The following NFIB variants were observed in gnomAD, a reference collection of about 807,000 sequenced individuals.
The protein encoded by NFIB is nuclear factor I B, also known as nuclear factor 1 B-type.
NFIB carries 11 observed loss-of-function variants against 61.5 expected under a neutral mutation model. The ratio of observed to expected loss-of-function variants is 0.18; its 90% CI spans 0.11 to 0.30. NFIB has a LOEUF of 0.30. Ranked by LOEUF, NFIB falls within the 10% of genes least tolerant of loss-of-function variation. The pLI, the probability that NFIB is intolerant of heterozygous loss-of-function variation, is 1.00. For synonymous variants in NFIB, 260 were observed against 216.5 expected (o/e 1.20, Z -1.76); for missense variants, 471 against 608.9 (o/e 0.77, Z 2.38).
the NFIB span, among the ~76,000 whole-genome samples, chr9:14,450,042 C>T: frequency 2.6e-5 from 4 of 152,042 alleles, no homozygotes; most frequent in African/African-American, 9.7e-5. Flanking sequence ...CCTAGGTATA[C>T]ATGTGCCATG....
chr9:14,516,841 A>G, the NFIB span, among the ~76,000 whole-genome samples: 321 of 152,358 alleles, frequency 2.1e-3, 1 homozygote, highest in Non-Finnish European at 3.6e-3. Flanking sequence ...AGTTAGTATT[A>G]TGCTAATCTG....
chr9:14,152,414 A>T (rs1489225298), intron 4 of NFIB, among the ~76,000 whole-genome samples: 1 of 152,096 alleles, frequency 6.6e-6, no homozygotes, highest in Admixed American at 6.6e-5. Flanking sequence ...TTATTATTAG[A>T]ACCATGTTCT....
At chr9:14,158,110 C>CAAA (rs372875773) in intron 3 of NFIB, among the ~76,000 whole-genome samples, 1 of 64,372 alleles carries the variant, frequency 1.6e-5, no homozygotes, top group Non-Finnish European at 3.3e-5. Context: ...GACTCCATCT[C>CAAA]AAAAAAAAAA....
chr9:14,509,306 G>T, the NFIB span, among the ~76,000 whole-genome samples: 1 of 152,184 alleles, frequency 6.6e-6, no homozygotes, highest in Non-Finnish European at 1.5e-5. Flanking sequence ...CACATGTTCT[G>T]CAGAATATGA....
At chr9:14,528,439 A>T in the NFIB span, among the ~76,000 whole-genome samples, 1 of 152,172 alleles carries the variant, frequency 6.6e-6, no homozygotes, top group African/African-American at 2.4e-5. Context: ...ACAAAGAATA[A>T]CCTTGGATAA....
intron 1 of NFIB, among the ~76,000 whole-genome samples, chr9:14,326,310 A>G (rs1160031479): frequency 6.6e-6 from 1 of 152,242 alleles, no homozygotes; most frequent in African/African-American, 2.4e-5. Context: ...CCCATCATAA[A>G]GAATTATATT....
At chr9:14,531,906 T>C in the NFIB span, 1 of 151,822 alleles carries the variant, frequency 6.6e-6, no homozygotes, top group Non-Finnish European at 1.5e-5. Flanking sequence ...GGAGGGAAGT[T>C]TTGGGGGTGG....
chr9:14,161,298 TCA>T (rs1229682892), intron 3 of NFIB, among the ~76,000 whole-genome samples: 5 of 152,206 alleles, frequency 3.3e-5, no homozygotes, highest in South Asian at 4.1e-4. Flanking sequence ...GTGATTTTCT[TCA>T]CAGAGATTAA....
chr9:14,134,869 G>C (rs941345221), intron 6 of NFIB, among the ~76,000 whole-genome samples: 10 of 131,450 alleles, frequency 7.6e-5, no homozygotes, highest in African/African-American at 3.0e-4. Flanking sequence ...CTGCTCTCCA[G>C]CCTGGGTGAC....
chr9:14,266,032 G>A (rs185662991), intron 2 of NFIB, among the ~76,000 whole-genome samples: 49 of 152,234 alleles, frequency 3.2e-4, no homozygotes, highest in Middle Eastern at 3.4e-3. Flanking sequence ...GATGTTTGGT[G>A]TGATGACAGT....
chr9:14,117,588 T>G (rs1458448907), intron 8 of NFIB, among the ~76,000 whole-genome samples: 5 of 152,156 alleles, frequency 3.3e-5, no homozygotes, highest in Non-Finnish European at 7.4e-5. Flanking sequence ...TAATAACACT[T>G]AAATATTGTG....
At chr9:14,453,495 C>G in the NFIB span, among the ~76,000 whole-genome samples, 93 of 152,324 alleles carry the variant, frequency 6.1e-4, no homozygotes, top group Middle Eastern at 3.4e-3. Context: ...TCATTTGGAA[C>G]TAAGCACTTT....
chr9:14,202,044 T>C (rs1481495170), intron 2 of NFIB, among the ~76,000 whole-genome samples: 1 of 152,058 alleles, frequency 6.6e-6, no homozygotes, highest in African/African-American at 2.4e-5. Flanking sequence ...ATTCACTTGC[T>C]AGCAGGTAAA....
intron 1 of NFIB, chr9:14,322,357 A>G (rs555791851): frequency 4.1e-6 from 1 of 245,740 alleles, no homozygotes; most frequent in Non-Finnish European, 7.8e-6. Flanking sequence ...GGTGGGTTTT[A>G]TTGTTGTTTT....
intron 2 of NFIB, among the ~76,000 whole-genome samples, chr9:14,214,409 T>C (rs1436481812): frequency 6.6e-6 from 1 of 152,192 alleles, no homozygotes; most frequent in African/African-American, 2.4e-5. Context: ...GGCCCACACA[T>C]TAGGGAGCTG....
the NFIB span, among the ~76,000 whole-genome samples, chr9:14,469,853 T>A: frequency 6.6e-6 from 1 of 152,192 alleles, no homozygotes; most frequent in Non-Finnish European, 1.5e-5. Context: ...AACCAAATCA[T>A]ATAAATGATT....
At chr9:14,102,626 G>A (rs556567041) in intron 10 of NFIB, 3 of 668,094 alleles carry the variant, frequency 4.5e-6, no homozygotes, top group East Asian at 3.4e-5. Flanking sequence ...TTTCCCAAGA[G>A]GCAACTTAAA....
intron 6 of NFIB, among the ~76,000 whole-genome samples, chr9:14,143,672 A>T (rs1046040628): frequency 6.6e-6 from 1 of 152,188 alleles, no homozygotes; most frequent in Non-Finnish European, 1.5e-5. Context: ...GTAGGAGAAA[A>T]TATTATAAAT....
intron 10 of NFIB, among the ~76,000 whole-genome samples, chr9:14,102,110 T>C (rs2118842842): frequency 6.6e-6 from 1 of 152,286 alleles, no homozygotes; most frequent in East Asian, 1.9e-4. Context: ...AAAGCTGTGA[T>C]TTCACTTTTC....
Sources: gnomAD v4.1 joint callset for allele counts (sites outside exome capture counted in the v4.1 genomes callset) on GRCh38, gnomAD v4.1.1 for gene constraint, MANE v1.5 for transcripts, NCBI Gene and HGNC (gene_info 2026-07-23, HGNC 2026-07-21) for gene names.